The following LRMDA variants were observed in gnomAD, a reference collection of about 807,000 sequenced individuals.
LRMDA encodes the protein leucine rich melanocyte differentiation associated.
In LRMDA, 18 loss-of-function variants were observed where a neutral mutation model predicts 29.8. The ratio of observed to expected loss-of-function variants is 0.60; its 90% CI spans 0.42 to 0.90. LRMDA has a LOEUF of 0.90. Among genes scored for constraint, LRMDA ranks in the 40% least tolerant of loss-of-function variants. The pLI, the probability that LRMDA is intolerant of heterozygous loss-of-function variation, is 0.00. For synonymous variants in LRMDA, 125 were observed against 109.4 expected, an observed-to-expected ratio of 1.14 and a Z score of -0.89; for missense variants, 273 against 273.9, an observed-to-expected ratio of 1.00 and a Z score of 0.02.
chr10:76,185,851 C>G (rs941219772), intron 5 of LRMDA, among the ~76,000 whole-genome samples: 2 of 152,112 alleles, frequency 1.3e-5, no homozygotes, highest in Admixed American at 1.3e-4. Context: ...GTTCGACTGC[C>G]AGAAACTCGG....
intron 5 of LRMDA, among the ~76,000 whole-genome samples, chr10:76,304,011 C>CGGCTT (rs1489288518): frequency 6.6e-6 from 1 of 152,150 alleles, no homozygotes; most frequent in Non-Finnish European, 1.5e-5. Flanking sequence ...GGCCCTTTCA[C>CGGCTT]GGCTTTCTCT....
At chr10:75,651,916 G>C (rs1429016590) in intron 2 of LRMDA, among the ~76,000 whole-genome samples, 4 of 152,198 alleles carry the variant, frequency 2.6e-5, no homozygotes, top group African/African-American at 4.8e-5. Flanking sequence ...CTATGAAAAT[G>C]CAATCAATCC....
At chr10:76,333,916 GA>G (rs1313621292) in intron 6 of LRMDA, among the ~76,000 whole-genome samples, 1 of 152,226 alleles carries the variant, frequency 6.6e-6, no homozygotes, top group Non-Finnish European at 1.5e-5. Context: ...TGGTGTGTGG[GA>G]GGCTGTGGTC....
intron 2 of LRMDA, among the ~76,000 whole-genome samples, chr10:76,012,666 T>A (rs189679244): frequency 1.3e-5 from 2 of 152,308 alleles, no homozygotes; most frequent in East Asian, 3.9e-4. Context: ...AGGCAGTGCG[T>A]GCATGCACAC....
rs1459442138 is a variant in LRMDA at position 76,363,176 on chromosome 10, A to AGAAAGAAAGAAAGAGGGAGGGAG, written c.601+38692_601+38693insAAAGAAAGAAAGAGGGAGGGAGG. ...AAGAAAGAAAGAAAGAAAGAAAGAA[A>AGAAAGAAAGAAAGAGGGAGGGAG]GGAGGGAGGGAGGGAGGGAGGGAGG... On this transcript the variant is annotated intron_variant, in intron 6 of 6. Coordinates refer to ENST00000611255, the MANE Select transcript of LRMDA (RefSeq NM_001305581.2). Among the ~76,000 whole-genome samples, 45 of 21,794 alleles carry AGAAAGAAAGAAAGAGGGAGGGAG rather than the reference A, an allele frequency of 2.1e-3. 5 individuals are homozygous for AGAAAGAAAGAAAGAGGGAGGGAG. Among genetic ancestry groups the AGAAAGAAAGAAAGAGGGAGGGAG allele is most frequent in the African/African-American group, 5.9e-3 (41 of 6,898 alleles). The allele number at this position is 21,794 out of a possible 152,430, so 14.3% of individuals were successfully genotyped here.
intron 5 of LRMDA, among the ~76,000 whole-genome samples, chr10:76,127,981 A>G (rs973203686): frequency 6.6e-6 from 1 of 152,182 alleles, no homozygotes; most frequent in African/African-American, 2.4e-5. Context: ...ACAACAACAA[A>G]CTAGCCAACT....
rs909995371 is a variant in LRMDA, at chr10:75,950,226, C to T, written c.132-85782C>T. Reference sequence around the variant, plus strand: ...TTTATTAAGAGACTCATCAGCTCTGCCCTTCTTTCCCTCTCTGTAGCCACT... The same window carrying T: ...TTTATTAAGAGACTCATCAGCTCTGTCCTTCTTTCCCTCTCTGTAGCCACT... On this transcript the variant is annotated intron_variant, in intron 2 of 6. Transcript: ENST00000611255. Among the ~76,000 whole-genome samples, 9 of 152,172 alleles carry T rather than the reference C, an allele frequency of 5.9e-5. No homozygotes were observed. In the East Asian group the frequency reaches 1.7e-3, roughly 29 times the overall value.
intron 2 of LRMDA, among the ~76,000 whole-genome samples, chr10:75,714,430 T>C (rs1016466193): frequency 2.6e-5 from 4 of 152,352 alleles, no homozygotes; most frequent in African/African-American, 9.6e-5. Context: ...TTGGATATTA[T>C]ATTGTATATT....
At position 76,069,912 on chromosome 10, in the gene LRMDA, C is replaced by T. The variant is rs114233595; in HGVS notation, c.516+11129C>T. On this transcript the variant is annotated intron_variant, in intron 5 of 6. Transcript: ENST00000611255. Reference sequence around the variant, plus strand: ...TGTAGCTGTTGAGTTCCATGGAAAACCTGCAATTCTTAATTTGTTCATGAG... The same window carrying T: ...TGTAGCTGTTGAGTTCCATGGAAAATCTGCAATTCTTAATTTGTTCATGAG... Among the ~76,000 whole-genome samples, 299 of 152,234 alleles carry T rather than the reference C, an allele frequency of 2.0e-3. 4 individuals are homozygous for T. The highest frequency in any genetic ancestry group is 7.0e-3 in the African/African-American group (292 of 41,532).
At chr10:76,410,778 A>T (rs566362461) in intron 6 of LRMDA, among the ~76,000 whole-genome samples, 23 of 151,862 alleles carry the variant, frequency 1.5e-4, no homozygotes, top group African/African-American at 5.1e-4. Context: ...ACATGGTGAA[A>T]CCCTGTCTCT....
At chr10:75,480,974 G>A (rs1210067821) in intron 2 of LRMDA, among the ~76,000 whole-genome samples, 2 of 152,114 alleles carry the variant, frequency 1.3e-5, no homozygotes, top group Admixed American at 6.5e-5. Flanking sequence ...CAAAGATGGA[G>A]GCCATCTGTG....
intron 2 of LRMDA, among the ~76,000 whole-genome samples, chr10:75,962,580 C>T (rs948077930): frequency 1.3e-5 from 2 of 152,206 alleles, no homozygotes; most frequent in African/African-American, 4.8e-5. Flanking sequence ...GCCCCATGCA[C>T]ATGGCCTGCC....
chr10:75,978,341 C>A (rs1315711617), intron 2 of LRMDA, among the ~76,000 whole-genome samples: 1 of 152,186 alleles, frequency 6.6e-6, no homozygotes, highest in Non-Finnish European at 1.5e-5. Context: ...TCTCATGATT[C>A]AAGATGGCAG....
chr10:75,436,258 G>C (rs543898668), intron 1 of LRMDA, among the ~76,000 whole-genome samples: 1 of 152,090 alleles, frequency 6.6e-6, no homozygotes, highest in African/African-American at 2.4e-5. Context: ...GACAAACTGG[G>C]TGTCTATTAG....
chr10:75,860,325 T>C (rs1476525669), intron 2 of LRMDA, among the ~76,000 whole-genome samples: 1 of 145,606 alleles, frequency 6.9e-6, no homozygotes, highest in Admixed American at 6.9e-5. Context: ...TTTTTTTTTT[T>C]TTTTTTTTTT....
At chr10:75,706,416 G>T (rs1842369818) in intron 2 of LRMDA, among the ~76,000 whole-genome samples, 1 of 152,136 alleles carries the variant, frequency 6.6e-6, no homozygotes, top group Non-Finnish European at 1.5e-5. Context: ...AAAAGTCTTA[G>T]ATAAGTTTCT....
intron 2 of LRMDA, among the ~76,000 whole-genome samples, chr10:75,530,835 T>C (rs1845468688): frequency 6.6e-6 from 1 of 152,162 alleles, no homozygotes; most frequent in South Asian, 2.1e-4. Flanking sequence ...GAGGACAGGA[T>C]CTCAGAAAAC....
intron 2 of LRMDA, among the ~76,000 whole-genome samples, chr10:75,791,316 A>G (rs1373287136): frequency 2.0e-5 from 3 of 152,226 alleles, no homozygotes; most frequent in African/African-American, 7.2e-5. Flanking sequence ...GAGAATAGAA[A>G]CCAATAAAAG....
intron 2 of LRMDA, among the ~76,000 whole-genome samples, chr10:75,756,548 T>C (rs1185770953): frequency 1.3e-5 from 2 of 152,240 alleles, no homozygotes; most frequent in African/African-American, 4.8e-5. Flanking sequence ...ATTTTAGTGT[T>C]TAGTTTTTGT....
Sources: gnomAD v4.1 joint callset for allele counts (sites outside exome capture counted in the v4.1 genomes callset) on GRCh38, gnomAD v4.1.1 for gene constraint, MANE v1.5 for transcripts, NCBI Gene and HGNC (gene_info 2026-07-23, HGNC 2026-07-21) for gene names.